The following FRMD4A variants were observed in gnomAD, a reference collection of about 807,000 sequenced individuals.
The protein encoded by FRMD4A is FERM domain containing 4A, also known as FERM domain-containing protein 4A.
Under a neutral mutation model 129.1 loss-of-function variants are expected in FRMD4A, and 29 were observed. The ratio of observed to expected loss-of-function variants is 0.22; its 90% CI spans 0.17 to 0.31. FRMD4A has a LOEUF of 0.31. Among genes scored for constraint, FRMD4A ranks in the 10% least tolerant of loss-of-function variants. The pLI, the probability that FRMD4A is intolerant of heterozygous loss-of-function variation, is 1.00. For synonymous variants in FRMD4A, 634 were observed against 571.6 expected, an observed-to-expected ratio of 1.11 and a Z score of -1.56; for missense variants, 1,272 against 1,375.8, an observed-to-expected ratio of 0.92 and a Z score of 1.19.
At chr10:13,771,397 G>A (rs184450604) in intron 6 of FRMD4A, among the ~76,000 whole-genome samples, 14 of 152,178 alleles carry the variant, frequency 9.2e-5, no homozygotes, top group South Asian at 4.1e-4. Context: ...GACCAATTTG[G>A]ACAAGATCTG....
intron 3 of FRMD4A, among the ~76,000 whole-genome samples, chr10:13,818,294 G>C (rs781158582): frequency 2.0e-5 from 3 of 151,948 alleles, no homozygotes; most frequent in Non-Finnish European, 4.4e-5. Flanking sequence ...TCCTGAGTAG[G>C]GGGGGACTAC....
chr10:13,796,829 C>T (rs2093129701), intron 4 of FRMD4A, among the ~76,000 whole-genome samples: 1 of 152,044 alleles, frequency 6.6e-6, no homozygotes, highest in African/African-American at 2.4e-5. Context: ...TAAGCGATTC[C>T]CTGCCTCAGC....
rs143382998 is a variant in FRMD4A at position 13,785,820 on chromosome 10, G to C, written c.300-2814C>G. On this transcript the variant is annotated intron_variant, in intron 5 of 24. Coordinates refer to ENST00000357447, the MANE Select transcript of FRMD4A (RefSeq NM_018027.5). ...CAGTATGTGATGTTCCCCACCCTGT[G>C]TCCAAGTGTTCTCAGTGTTCAATTG... Among the ~76,000 whole-genome samples the C allele has an allele frequency of 9.3e-3, 1,390 of 149,400 alleles. 24 individuals carry two copies. Among genetic ancestry groups the C allele is most frequent in the African/African-American group, 0.033 (1,315 of 40,308 alleles).
At chr10:13,961,126 T>G (rs2095443535) in intron 2 of FRMD4A, among the ~76,000 whole-genome samples, 1 of 152,212 alleles carries the variant, frequency 6.6e-6, no homozygotes, top group Non-Finnish European at 1.5e-5. Flanking sequence ...AATTTATCTC[T>G]CCTTCCAAAC....
chr10:14,275,463 T>C (rs988707038), intron 2 of FRMD4A, among the ~76,000 whole-genome samples: 2 of 152,170 alleles, frequency 1.3e-5, no homozygotes, highest in African/African-American at 4.8e-5. Context: ...AGCACCCACA[T>C]GGTTGGTGGC....
chr10:13,973,255 C>T (rs939014833), intron 2 of FRMD4A, among the ~76,000 whole-genome samples: 1 of 152,152 alleles, frequency 6.6e-6, no homozygotes, highest in Non-Finnish European at 1.5e-5. Context: ...ATATGAAACC[C>T]TTAGGATAAA....
chr10:13,753,576 G>A (rs1357073304), intron 8 of FRMD4A, among the ~76,000 whole-genome samples: 5 of 127,418 alleles, frequency 3.9e-5, no homozygotes, highest in South Asian at 4.8e-4. Flanking sequence ...ACAGGGTCTC[G>A]CTTTGTTGCC....
intron 2 of FRMD4A, among the ~76,000 whole-genome samples, chr10:14,009,338 G>T (rs1459597335): frequency 2.0e-5 from 3 of 151,672 alleles, no homozygotes; most frequent in Admixed American, 2.0e-4. Context: ...TCTTTTTAAA[G>T]CATTTCTACA....
intron 2 of FRMD4A, among the ~76,000 whole-genome samples, chr10:13,955,323 G>A (rs1402572842): frequency 2.0e-5 from 3 of 152,066 alleles, no homozygotes; most frequent in Non-Finnish European, 4.4e-5. Context: ...GGCCAGGCTG[G>A]TCTCGAACTC....
At chr10:13,971,055 C>G (rs1279441838) in intron 2 of FRMD4A, among the ~76,000 whole-genome samples, 1 of 152,168 alleles carries the variant, frequency 6.6e-6, no homozygotes, top group Non-Finnish European at 1.5e-5. Context: ...ACCAGCTTGT[C>G]ACCACCCCCA....
intron 2 of FRMD4A, among the ~76,000 whole-genome samples, chr10:14,075,441 G>A (rs920070628): frequency 1.3e-5 from 2 of 152,116 alleles, no homozygotes; most frequent in African/African-American, 4.8e-5. Flanking sequence ...TAGAGATTAC[G>A]TAGCCTTCCT....
At chr10:14,203,290 A>G (rs1842691164) in intron 2 of FRMD4A, among the ~76,000 whole-genome samples, 1 of 152,224 alleles carries the variant, frequency 6.6e-6, no homozygotes, top group Non-Finnish European at 1.5e-5. Flanking sequence ...AACTGACTAC[A>G]ACGTCGTTTC....
At chr10:14,143,442 CA>C (rs1420678796) in intron 2 of FRMD4A, among the ~76,000 whole-genome samples, 1 of 152,174 alleles carries the variant, frequency 6.6e-6, no homozygotes, top group Non-Finnish European at 1.5e-5. Context: ...CATTCATAGA[CA>C]CAGCAAGTTG....
chr10:14,022,775 C>T (rs932841266), intron 2 of FRMD4A, among the ~76,000 whole-genome samples: 2 of 151,902 alleles, frequency 1.3e-5, no homozygotes, highest in Admixed American at 6.6e-5. Flanking sequence ...AGTGTCTGAC[C>T]CCATTCTCTT....
chr10:14,026,185 C>G lies in FRMD4A; in HGVS notation c.46-167273G>C, dbSNP rs182249349. ...ATATAAATATAACATTTCTGCTTTA[C>G]AGTAAAACTCCCCTCCCTGCATATC... On this transcript the variant is annotated intron_variant, in intron 2 of 24. Transcript: ENST00000357447. Among the ~76,000 whole-genome samples, 4 of 152,272 alleles carry G rather than the reference C, an allele frequency of 2.6e-5. No individual in the cohort carries two copies. The East Asian group carries it at 7.7e-4, about 29-fold the overall frequency.
chr10:13,811,874 T>C (rs1017386607), intron 3 of FRMD4A, among the ~76,000 whole-genome samples: 18 of 150,482 alleles, frequency 1.2e-4, no homozygotes, highest in African/African-American at 4.4e-4. Context: ...AGTTATTTCA[T>C]TATCTGTTGG....
Position 14,256,813 on chromosome 10 carries a change from T to C in FRMD4A, c.45+73245A>G, listed in dbSNP as rs979834148. On this transcript the variant is annotated intron_variant, in intron 2 of 24. Coordinates refer to ENST00000357447, the MANE Select transcript of FRMD4A (RefSeq NM_018027.5). The stretch of plus-strand genomic sequence containing the variant: ...GCCTGGGCCACACAGCGAGACTCTG[T>C]CTCTTCAAAAAATTTTTTAAAATAA... Among the ~76,000 whole-genome samples, 109 of 152,032 alleles carry C rather than the reference T, an allele frequency of 7.2e-4. 3 individuals carry two copies. Among genetic ancestry groups the C allele is most frequent in the Non-Finnish European group, 5.9e-5 (4 of 67,988 alleles).
rs894378411 is a variant in FRMD4A, at chr10:13,824,390, G to A, written c.112-13482C>T. On this transcript the variant is annotated intron_variant, in intron 3 of 24. Transcript: ENST00000357447. ...TGCCTATGATCCCAGCTACTCAGGA[G>A]GCTGAGGCAGAATTGCTTGAACCCA... 6.6e-5 allele frequency among the ~76,000 whole-genome samples: 10 copies of A among 151,354 alleles called. No individual in the cohort carries two copies. The South Asian group carries it at 1.9e-3, about 28-fold the overall frequency.
intron 2 of FRMD4A, chr10:14,083,583 G>C (rs2131737168): frequency 6.6e-6 from 1 of 152,430 alleles, no homozygotes; most frequent in South Asian, 2.1e-4. Flanking sequence ...CCGGCCCTGG[G>C]GTCAGTCTGT....
Sources: gnomAD v4.1 joint callset for allele counts (sites outside exome capture counted in the v4.1 genomes callset) on GRCh38, gnomAD v4.1.1 for gene constraint, MANE v1.5 for transcripts, NCBI Gene and HGNC (gene_info 2026-07-23, HGNC 2026-07-21) for gene names.